Variants in HTR1F observed in about 807,000 individuals in gnomAD.
HTR1F encodes 5-hydroxytryptamine (serotonin) receptor 1F, G protein-coupled.
A neutral mutation model predicts 24.0 loss-of-function variants in HTR1F; 17 were observed. The ratio of observed to expected loss-of-function variants is 0.71; its 90% CI spans 0.48 to 1.06. The LOEUF (loss-of-function observed/expected upper bound fraction) is 1.06. Ranked by LOEUF, HTR1F falls within the 50% of genes least tolerant of loss-of-function variation. The probability of loss-of-function intolerance (pLI) is 0.00; values close to 1 mark genes in which losing one functional copy is unlikely to be tolerated. For synonymous variants in HTR1F, 186 were observed against 156.8 expected, an observed-to-expected ratio of 1.19 and a Z score of -1.39; for missense variants, 391 against 427.8, an observed-to-expected ratio of 0.91 and a Z score of 0.76.
At chr3:87,804,208 A>C (rs1332281439) in intron 1 of HTR1F, among the ~76,000 whole-genome samples, 3 of 152,196 alleles carry the variant, frequency 2.0e-5, no homozygotes, top group Admixed American at 2.0e-4. Context: ...GACATACAAA[A>C]ATGTGATTTT....
rs1187192038 is a variant in HTR1F, at chr3:87,855,799, G to A, written c.-43+33675G>A. On this transcript the variant is annotated intron_variant, in intron 2 of 2. Transcript: ENST00000319595. Reference sequence around the variant, plus strand: ...ATTCTGCTGTGTCCCTCTCAGGAATGTGAATCATCCCTTTGTCCAGCGTAT... The same window carrying A: ...ATTCTGCTGTGTCCCTCTCAGGAATATGAATCATCCCTTTGTCCAGCGTAT... 2.6e-5 allele frequency among the ~76,000 whole-genome samples: 4 copies of A among 152,214 alleles called. No individual in the cohort carries two copies. In the South Asian group the frequency reaches 6.2e-4, roughly 24 times the overall value.
At chr3:87,931,129 T>C (rs951731447) in intron 2 of HTR1F, among the ~76,000 whole-genome samples, 4 of 151,576 alleles carry the variant, frequency 2.6e-5, no homozygotes, top group Non-Finnish European at 4.4e-5. Context: ...ACATGTGCCA[T>C]GCTGGTGTGC....
chr3:87,914,813 C>T (rs531445120), intron 2 of HTR1F, among the ~76,000 whole-genome samples: 4 of 152,198 alleles, frequency 2.6e-5, no homozygotes, highest in Admixed American at 2.0e-4. Flanking sequence ...GGGCCCCACC[C>T]ACCACTATTT....
At chr3:87,874,907 G>T (rs564033609) in intron 2 of HTR1F, among the ~76,000 whole-genome samples, 1 of 152,102 alleles carries the variant, frequency 6.6e-6, no homozygotes, top group Non-Finnish European at 1.5e-5. Context: ...CTCAACAAAT[G>T]ATGTTGCAAA....
chr3:87,992,957 T>G lies in HTR1F; in HGVS notation c.*1107T>G, dbSNP rs187475819. On this transcript the variant is annotated 3_prime_UTR_variant, in exon 3 of 3. Coordinates refer to ENST00000319595, the MANE Select transcript of HTR1F (RefSeq NM_001322209.2). ...TTAATAAATGTACACACATATATAT[T>G]TTTGTAATTAGTCACTCTACTAGTT... 100 of 167,004 alleles carry G rather than the reference T, an allele frequency of 6.0e-4. 1 individual carries two copies. Among genetic ancestry groups the G allele is most frequent in the African/African-American group, 2.2e-3 (92 of 41,564 alleles). The allele number at this position is 167,004 out of a possible 1,614,324, so 10.3% of individuals were successfully genotyped here. A position where few individuals can be genotyped will look rare whatever the true frequency, so the allele number is the denominator to read the frequency against.
chr3:87,916,118 A>G (rs1166300507), intron 2 of HTR1F, among the ~76,000 whole-genome samples: 1 of 152,096 alleles, frequency 6.6e-6, no homozygotes, highest in Non-Finnish European at 1.5e-5. Context: ...AGCATCATAC[A>G]TGAAGAAAAG....
At chr3:87,902,197 T>G (rs1706338711) in intron 2 of HTR1F, among the ~76,000 whole-genome samples, 1 of 152,172 alleles carries the variant, frequency 6.6e-6, no homozygotes, top group African/African-American at 2.4e-5. Context: ...TAGTTAAGAT[T>G]AGTGGTGGTG....
At chr3:87,834,099 T>G (rs1704636157) in intron 2 of HTR1F, among the ~76,000 whole-genome samples, 1 of 152,194 alleles carries the variant, frequency 6.6e-6, no homozygotes, top group Admixed American at 6.5e-5. Flanking sequence ...TAGTACTGTT[T>G]GTAATTTATT....
intron 1 of HTR1F, among the ~76,000 whole-genome samples, chr3:87,814,888 T>C (rs1016469779): frequency 6.6e-6 from 1 of 152,082 alleles, no homozygotes; most frequent in Non-Finnish European, 1.5e-5. Flanking sequence ...ATTACTCTTA[T>C]ATAGGAGGGA....
chr3:87,867,327 C>T (rs1192929900), intron 2 of HTR1F, among the ~76,000 whole-genome samples: 7 of 151,642 alleles, frequency 4.6e-5, no homozygotes, highest in Non-Finnish European at 5.9e-5. Context: ...CATTGTACAT[C>T]GAAATGTTCT....
chr3:87,908,512 A>G (rs1271425844), intron 2 of HTR1F, among the ~76,000 whole-genome samples: 1 of 152,042 alleles, frequency 6.6e-6, no homozygotes, highest in African/African-American at 2.4e-5. Context: ...TAATATAATT[A>G]GTTTCCAAGA....
At chr3:87,958,642 T>C (rs1319380186) in intron 2 of HTR1F, among the ~76,000 whole-genome samples, 1 of 151,686 alleles carries the variant, frequency 6.6e-6, no homozygotes, top group Non-Finnish European at 1.5e-5. Context: ...AACAGCCAAA[T>C]CCAGTATCCC....
intron 2 of HTR1F, among the ~76,000 whole-genome samples, chr3:87,822,492 T>A (rs1245838738): frequency 2.0e-5 from 3 of 152,236 alleles, no homozygotes; most frequent in Non-Finnish European, 4.4e-5. Flanking sequence ...CTGCAGATTT[T>A]ATATTTAACC....
At position 87,980,906 on chromosome 3, in the gene HTR1F, G is replaced by T. The variant is rs550403694; in HGVS notation, c.-42-9802G>T. Reference sequence around the variant, plus strand: ...TCAGGCAGCAAGAGTAGGCACTTCTGAACCTGCAGGGGCAGGGAGGGTTCC... The same window carrying T: ...TCAGGCAGCAAGAGTAGGCACTTCTTAACCTGCAGGGGCAGGGAGGGTTCC... On this transcript the variant is annotated intron_variant, in intron 2 of 2. Transcript: ENST00000319595. Among the ~76,000 whole-genome samples the T allele has an allele frequency of 2.0e-5, 3 of 152,294 alleles. No individual in the cohort carries two copies. In the East Asian group the frequency reaches 5.8e-4, roughly 29 times the overall value.
chr3:87,920,248 G>A (rs989440945), intron 2 of HTR1F, among the ~76,000 whole-genome samples: 4 of 151,842 alleles, frequency 2.6e-5, no homozygotes, highest in African/African-American at 9.7e-5. Flanking sequence ...GGGGACTCAG[G>A]GGAAAGGGTG....
chr3:87,897,890 T>G (rs1442008720), intron 2 of HTR1F, among the ~76,000 whole-genome samples: 1 of 152,168 alleles, frequency 6.6e-6, no homozygotes, highest in Non-Finnish European at 1.5e-5. Context: ...TATAATTTTA[T>G]GCAACCTGTT....
intron 1 of HTR1F, among the ~76,000 whole-genome samples, chr3:87,818,322 A>G (rs906248682): frequency 3.9e-5 from 6 of 152,230 alleles, no homozygotes; most frequent in African/African-American, 1.4e-4. Flanking sequence ...GAAGGGTGAC[A>G]GTGGAGCAGC....
intron 2 of HTR1F, among the ~76,000 whole-genome samples, chr3:87,865,075 C>T (rs1424265342): frequency 6.6e-6 from 1 of 152,056 alleles, no homozygotes; most frequent in African/African-American, 2.4e-5. Context: ...CTGTCATCTG[C>T]ATGAAGGTTA....
At chr3:87,801,620 A>G (rs1703991281) in intron 1 of HTR1F, among the ~76,000 whole-genome samples, 2 of 152,162 alleles carry the variant, frequency 1.3e-5, no homozygotes, top group South Asian at 4.1e-4. Context: ...CAGATCACAG[A>G]TAGGTGAGAC....
Sources: gnomAD v4.1 joint callset for allele counts (sites outside exome capture counted in the v4.1 genomes callset) on GRCh38, gnomAD v4.1.1 for gene constraint, MANE v1.5 for transcripts, NCBI Gene and HGNC (gene_info 2026-07-23, HGNC 2026-07-21) for gene names.